TRMT2B: variants seen among roughly 807,000 people sequenced by gnomAD.
The protein encoded by TRMT2B is tRNA (uracil-5-)-methyltransferase homolog B.
A neutral mutation model predicts 39.7 loss-of-function variants in TRMT2B; 34 were observed. The observed-to-expected ratio is 0.86, with a 90% confidence interval of 0.65 to 1.14. TRMT2B has a LOEUF of 1.14. Among genes scored for constraint, TRMT2B ranks in the 50% most tolerant of loss-of-function variants. The pLI, the probability that TRMT2B is intolerant of heterozygous loss-of-function variation, is 0.00. For synonymous variants in TRMT2B, 132 were observed against 137.3 expected, an observed-to-expected ratio of 0.96 and a Z score of 0.27; for missense variants, 318 against 377.2, an observed-to-expected ratio of 0.84 and a Z score of 1.30.
chrX:101,021,899 C>A, intron 9 of TRMT2B, 69 bp downstream of exon 9: 1 of 813,734 alleles, frequency 1.2e-6, no homozygotes, highest in Non-Finnish European at 1.9e-6. Flanking sequence ...CAATCAGCAA[C>A]CCTGCATCAG....
the TRMT2B span, among the ~76,000 whole-genome samples, chrX:100,994,812 C>T: frequency 7.2e-5 from 8 of 111,031 alleles, no homozygotes; most frequent in African/African-American, 2.6e-4. Flanking sequence ...GCTCTATCAC[C>T]CAGATTGTAG....
chrX:100,987,357 A>G, the TRMT2B span: 10 of 1,198,241 alleles, frequency 8.3e-6, no homozygotes, highest in African/African-American at 1.8e-4. Flanking sequence ...CCCAGGCTCC[A>G]GGTCTGCAGC....
chrX:101,006,776 C>T (rs1226046941), downstream of TRMT2B, among the ~76,000 whole-genome samples: 2 of 93,183 alleles, frequency 2.1e-5, no homozygotes, highest in African/African-American at 8.1e-5. Flanking sequence ...GCACTACAGC[C>T]TGGGTAACAA....
intron 2 of TRMT2B, among the ~76,000 whole-genome samples, chrX:101,043,342 C>T (rs1398875756): frequency 9.1e-6 from 1 of 109,689 alleles, no homozygotes; most frequent in Non-Finnish European, 1.9e-5. Flanking sequence ...GAGGTTGAGG[C>T]GGGCAGATCA....
At chrX:101,032,257 G>A (rs1270864392) in intron 7 of TRMT2B, among the ~76,000 whole-genome samples, 3 of 109,512 alleles carry the variant, frequency 2.7e-5, no homozygotes, top group Non-Finnish European at 3.8e-5. Flanking sequence ...TTGCACTCCA[G>A]CCTGGGCAAC....
intron 3 of TRMT2B, 114 bp from the exon 4 acceptor site, chrX:101,041,485 C>T: frequency 1.5e-6 from 1 of 683,458 alleles, no homozygotes; most frequent in Non-Finnish European, 2.2e-6. Flanking sequence ...GAGATGGAGT[C>T]TGGGAGAAGA....
chrX:100,986,368 T>A, the TRMT2B span, among the ~76,000 whole-genome samples: 1 of 111,805 alleles, frequency 8.9e-6, no homozygotes, highest in Admixed American at 9.5e-5. Flanking sequence ...TCCAGGGTGA[T>A]AATGCAGGTG....
chrX:101,041,897 G>A (rs1410301493), intron 3 of TRMT2B, 145 bp downstream of exon 3: 4 of 635,887 alleles, frequency 6.3e-6, no homozygotes, highest in African/African-American at 2.2e-5. Flanking sequence ...TTCTTCAGAC[G>A]TCCTCAAATT....
intron 7 of TRMT2B, among the ~76,000 whole-genome samples, chrX:101,033,970 G>T (rs747409000): frequency 3.7e-5 from 4 of 109,438 alleles, no homozygotes; most frequent in South Asian, 4.0e-4. Context: ...AACCTCCCAA[G>T]TAGCTGGGAT....
At chrX:100,987,671 C>T in the TRMT2B span, 5 of 845,569 alleles carry the variant, frequency 5.9e-6, no homozygotes, top group Admixed American at 3.0e-5. Flanking sequence ...GAGCAAGTCT[C>T]TTGATATCAT....
downstream of TRMT2B, among the ~76,000 whole-genome samples, chrX:101,008,201 ACT>A (rs2086135125): frequency 9.0e-6 from 1 of 110,737 alleles, no homozygotes; most frequent in Non-Finnish European, 1.9e-5. Flanking sequence ...ATGAAAAGGA[ACT>A]CTGTTTTCTG....
At chrX:101,020,421 C>T in intron 11 of TRMT2B, 66 bp downstream of exon 11, 1 of 979,177 alleles carries the variant, frequency 1.0e-6, no homozygotes, top group Non-Finnish European at 1.4e-6. Context: ...TTTTCCCACA[C>T]AACTCTTTCC....
chrX:101,033,334 C>T (rs946838122), intron 7 of TRMT2B, among the ~76,000 whole-genome samples: 5 of 109,560 alleles, frequency 4.6e-5, no homozygotes, highest in Non-Finnish European at 7.6e-5. Flanking sequence ...GTGGCTCACA[C>T]CTGTAATCCC....
downstream of TRMT2B, among the ~76,000 whole-genome samples, chrX:101,006,495 G>A (rs1473461023): frequency 9.0e-6 from 1 of 110,633 alleles, no homozygotes; most frequent in Non-Finnish European, 1.9e-5. Flanking sequence ...TATACAGACA[G>A]ATGAGGGATC....
At chrX:100,978,028 G>T in the TRMT2B span, among the ~76,000 whole-genome samples, 1 of 112,100 alleles carries the variant, frequency 8.9e-6, no homozygotes, top group African/African-American at 3.2e-5. Flanking sequence ...TACACAGCAG[G>T]TGGATTGCTG....
At chrX:101,045,136 A>G (rs1053016265) in intron 2 of TRMT2B, among the ~76,000 whole-genome samples, 4 of 109,514 alleles carry the variant, frequency 3.7e-5, no homozygotes, top group African/African-American at 1.3e-4. Flanking sequence ...AAGCCTGAGC[A>G]ATATAGTGAG....
the TRMT2B span, among the ~76,000 whole-genome samples, chrX:100,991,554 TTAG>T: frequency 9.0e-6 from 1 of 111,158 alleles, no homozygotes. Context: ...TTTTGTATTT[TTAG>T]TAGAGACGGG....
chrX:100,986,019 T>C, the TRMT2B span: 86 of 991,783 alleles, frequency 8.7e-5, no homozygotes, highest in Admixed American at 2.0e-4. Context: ...CAGCTAGGCC[T>C]CCTGTTCCCT....
Position 101,051,501 on chromosome X carries a change from C to T in TRMT2B, c.-274G>A. ...TTCTTCTTTAGGCAAGTTCTGCCCA[C>T]TGTGTCTGTAGGAAGGGTTAACAAA... On this transcript the variant is annotated 5_prime_UTR_variant, in exon 2 of 14. It adds an upstream start codon to the 5' untranslated region. Transcript: ENST00000372936. 2 of 754,671 alleles carry T rather than the reference C, an allele frequency of 2.7e-6. No individual in the cohort carries two copies. The highest frequency in any genetic ancestry group is 3.1e-6 in the Non-Finnish European group (2 of 639,484). 62.2% of individuals were successfully genotyped at this position (754,671 alleles called of 1,213,427 possible). A position where few individuals can be genotyped will look rare whatever the true frequency, so the allele number is the denominator to read the frequency against.
Sources: allele counts gnomAD v4.1 joint callset (sites outside exome capture counted in the v4.1 genomes callset), GRCh38; gene constraint gnomAD v4.1.1; transcripts MANE v1.5; gene names NCBI Gene and HGNC (gene_info 2026-07-23, HGNC 2026-07-21).